BPIFC: variants seen among roughly 807,000 people sequenced by gnomAD.
The protein encoded by BPIFC is BPI fold-containing family C protein.
BPIFC carries 60 observed loss-of-function variants against 57.6 expected under a neutral mutation model. That is an observed-to-expected ratio of 1.04 (90% CI 0.85 to 1.29). BPIFC has a LOEUF of 1.29. Ranked by LOEUF, BPIFC falls within the 50% of genes most tolerant of loss-of-function variation. BPIFC has a pLI of 0.00. For synonymous variants in BPIFC, 243 were observed against 224.5 expected, an observed-to-expected ratio of 1.08 and a Z score of -0.74; for missense variants, 581 against 600.5, an observed-to-expected ratio of 0.97 and a Z score of 0.34.
rs754964446 is a variant in BPIFC, at chr22:32,432,464, G to C, written c.1058C>G (p.Pro353Arg). Reference protein sequence around the residue: ...ATEPPIINLQPGNFTLDIPAS... With the variant: ...ATEPPIINLQRGNFTLDIPAS... ...AGGGATGTCCAGGGTGAAATTGCCTGGTTGTAGATTGATTATGGGAGGCTC... is the reference window on the plus strand; with the variant it reads ...AGGGATGTCCAGGGTGAAATTGCCTCGTTGTAGATTGATTATGGGAGGCTC... The change falls in exon 12 of 17, where the codon CCA becomes CGA. Residue 353 changes from proline to arginine, a missense_variant. Pro to Arg is a moderately radical substitution (Grantham distance 103). Coordinates refer to ENST00000300399, the MANE Select transcript of BPIFC (RefSeq NM_174932.3). The C allele has an allele frequency of 6.8e-6, 11 of 1,614,094 alleles. 1 individual carries two copies. In the South Asian group the frequency reaches 9.9e-5, roughly 15 times the overall value.
intron 10 of BPIFC, among the ~76,000 whole-genome samples, chr22:32,435,502 G>A (rs941492948): frequency 6.6e-6 from 1 of 152,110 alleles, no homozygotes; most frequent in African/African-American, 2.4e-5. Context: ...GAACACTTCT[G>A]GTCCCAAGCA....
intron 13 of BPIFC, among the ~76,000 whole-genome samples, chr22:32,427,887 T>C (rs1276889555): frequency 6.6e-6 from 1 of 152,224 alleles, no homozygotes; most frequent in Non-Finnish European, 1.5e-5. Flanking sequence ...CTCAGGAGGC[T>C]GAGGCAGGAG....
intron 10 of BPIFC, among the ~76,000 whole-genome samples, chr22:32,434,486 T>C (rs1337513700): frequency 2.0e-5 from 3 of 150,372 alleles, no homozygotes. Context: ...TTCATTTATA[T>C]ATATTACAAT....
intron 11 of BPIFC, among the ~76,000 whole-genome samples, chr22:32,432,928 C>T (rs945716742): frequency 5.5e-4 from 83 of 152,096 alleles, no homozygotes; most frequent in African/African-American, 1.8e-3. Flanking sequence ...CTGGGCTGGG[C>T]ACAGTGGCTC....
intron 14 of BPIFC, among the ~76,000 whole-genome samples, chr22:32,418,972 T>C (rs1174181334): frequency 6.6e-6 from 1 of 152,006 alleles, no homozygotes; most frequent in South Asian, 2.1e-4. Flanking sequence ...GTTCAAAGAG[T>C]AAACCTAATC....
At chr22:32,457,752 C>T (rs1363873416) in intron 2 of BPIFC, among the ~76,000 whole-genome samples, 1 of 152,184 alleles carries the variant, frequency 6.6e-6, no homozygotes, top group Non-Finnish European at 1.5e-5. Context: ...CCTTCAGGGC[C>T]AGCTCCATGT....
intron 6 of BPIFC, 24 bp from the exon 7 acceptor site, chr22:32,445,722 A>T: frequency 6.6e-7 from 1 of 1,510,158 alleles, no homozygotes; most frequent in Non-Finnish European, 8.8e-7. Flanking sequence ...TGAAAAAAAA[A>T]AAAAAAAAAA....
At chr22:32,440,042 G>C (rs1358231572) in intron 8 of BPIFC, among the ~76,000 whole-genome samples, 1 of 152,132 alleles carries the variant, frequency 6.6e-6, no homozygotes, top group African/African-American at 2.4e-5. Context: ...GGTGATCCTT[G>C]GCTACTTCTT....
chr22:32,420,392 T>TTTA (rs1933813527), intron 13 of BPIFC, among the ~76,000 whole-genome samples: 1 of 152,004 alleles, frequency 6.6e-6, no homozygotes, highest in Non-Finnish European at 1.5e-5. Context: ...TCCCTGAGCC[T>TTTA]TTATAATCCC....
At chr22:32,455,720 C>T (rs1360785848) in intron 3 of BPIFC, among the ~76,000 whole-genome samples, 2 of 152,104 alleles carry the variant, frequency 1.3e-5, no homozygotes, top group Admixed American at 6.6e-5. Flanking sequence ...TGCCTGAGTC[C>T]CTTACTGCTG....
chr22:32,416,703 T>C (rs1933688993), intron 15 of BPIFC, among the ~76,000 whole-genome samples: 1 of 152,208 alleles, frequency 6.6e-6, no homozygotes. Flanking sequence ...ATGAAAACTG[T>C]GTCTATCCAG....
At chr22:32,441,034 C>A (rs1352402842) in intron 8 of BPIFC, among the ~76,000 whole-genome samples, 6 of 152,158 alleles carry the variant, frequency 3.9e-5, no homozygotes, top group African/African-American at 1.4e-4. Flanking sequence ...CTACACATCC[C>A]TGAAGATCAA....
At chr22:32,450,022 T>C (rs553615850) in intron 4 of BPIFC, among the ~76,000 whole-genome samples, 28 of 151,658 alleles carry the variant, frequency 1.8e-4, no homozygotes, top group East Asian at 5.8e-4. Flanking sequence ...GCGTGAGCCA[T>C]CACGCCCAGC....
chr22:32,449,820 C>T (rs1282899511), intron 4 of BPIFC, among the ~76,000 whole-genome samples: 1 of 151,746 alleles, frequency 6.6e-6, no homozygotes, highest in Admixed American at 6.6e-5. Context: ...CTACAAGCTC[C>T]GCCTCCCGGG....
chr22:32,460,528 C>T (rs1217831596), intron 2 of BPIFC, among the ~76,000 whole-genome samples: 1 of 152,168 alleles, frequency 6.6e-6, no homozygotes, highest in Non-Finnish European at 1.5e-5. Flanking sequence ...CATCTCTCAC[C>T]TGATCTCCTA....
In BPIFC at chr22:32,414,193, A is replaced by G. The variant is rs1933602976; in HGVS notation, c.*110T>C. ...AAGAAAGAAAACTTTCTGCCTAAGC[A>G]ATTCACAAGGGCTTTACAATTCCAG... On this transcript the variant is annotated 3_prime_UTR_variant, in exon 17 of 17. Coordinates refer to ENST00000300399, the MANE Select transcript of BPIFC (RefSeq NM_174932.3). 1 of 1,437,762 alleles carries G rather than the reference A, an allele frequency of 7.0e-7. No homozygotes were observed. Among genetic ancestry groups the G allele is most frequent in the Non-Finnish European group, 9.4e-7 (1 of 1,068,502 alleles). 89.1% of individuals were successfully genotyped at this position (1,437,762 alleles called of 1,614,324 possible). A position where few individuals can be genotyped will look rare whatever the true frequency, so the allele number is the denominator to read the frequency against.
chr22:32,421,411 G>GT (rs1344953036), intron 13 of BPIFC, among the ~76,000 whole-genome samples: 3 of 152,080 alleles, frequency 2.0e-5, no homozygotes, highest in Non-Finnish European at 2.9e-5. Flanking sequence ...TCTCTTTTTC[G>GT]TATCTTGCTT....
chr22:32,415,728 C>T (rs538089423), intron 16 of BPIFC, among the ~76,000 whole-genome samples, 187 bp downstream of exon 16: 1 of 152,296 alleles, frequency 6.6e-6, no homozygotes, highest in African/African-American at 2.4e-5. Flanking sequence ...GATTTTTAGA[C>T]TCAACTCTAA....
At chr22:32,421,456 G>A (rs1933844786) in intron 13 of BPIFC, among the ~76,000 whole-genome samples, 1 of 152,052 alleles carries the variant, frequency 6.6e-6, no homozygotes, top group African/African-American at 2.4e-5. Context: ...CTTTTGCCCA[G>A]GTCTAGAGCC....
Sources: allele counts gnomAD v4.1 joint callset (sites outside exome capture counted in the v4.1 genomes callset), GRCh38; gene constraint gnomAD v4.1.1; transcripts MANE v1.5; gene names NCBI Gene and HGNC (gene_info 2026-07-23, HGNC 2026-07-21).